EFCAB13: variants seen among roughly 807,000 people sequenced by gnomAD.
EFCAB13 encodes the protein EF-hand calcium binding domain 13, also known as EF-hand calcium-binding domain-containing protein 13.
A neutral mutation model predicts 110.2 loss-of-function variants in EFCAB13; 91 were observed. The ratio of observed to expected loss-of-function variants is 0.83; its 90% CI spans 0.70 to 0.98. EFCAB13 has a LOEUF of 0.98. Ranked by LOEUF, EFCAB13 falls within the 50% of genes least tolerant of loss-of-function variation. The pLI is 0.00. For synonymous variants in EFCAB13, 323 were observed against 369.9 expected (o/e 0.87, Z 1.45); for missense variants, 968 against 1,119.4 (o/e 0.86, Z 1.93).
chr17:47,341,930 A>C lies in EFCAB13; in HGVS notation c.201A>C (p.Thr67=). 1 of 1,540,280 alleles carries C rather than the reference A, an allele frequency of 6.5e-7. No individual in the cohort carries two copies. The change falls in exon 6 of 25, where the codon ACA becomes ACC. Residue 67 remains threonine, a synonymous_variant. Transcript: ENST00000331493. Reference sequence around the variant, plus strand: ...TTTCTGTGTCATTTAGATTTGAAACATCAATAATCTTTTGTGGAGAAGAAA... The same window carrying C: ...TTTCTGTGTCATTTAGATTTGAAACCTCAATAATCTTTTGTGGAGAAGAAA... The part of the protein sequence containing the change: ...LSPEYKKIFE[T]SIIFCGEEKS...
intron 4 of EFCAB13, among the ~76,000 whole-genome samples, chr17:47,331,974 G>A (rs999674928): frequency 5.3e-5 from 8 of 152,100 alleles, no homozygotes; most frequent in Non-Finnish European, 1.0e-4. Flanking sequence ...ATTACTGAAG[G>A]ACATCTTGAT....
At chr17:47,328,107 A>G in intron 3 of EFCAB13, 162 bp from the exon 4 acceptor site, 1 of 500,138 alleles carries the variant, frequency 2.0e-6, no homozygotes, top group African/African-American at 2.0e-5. Flanking sequence ...ATAGTCTACT[A>G]ACTGCTTTTT....
chr17:47,410,937 T>C (rs1395930707), intron 21 of EFCAB13, among the ~76,000 whole-genome samples: 9 of 152,234 alleles, frequency 5.9e-5, no homozygotes, highest in Non-Finnish European at 1.3e-4. Context: ...TATTTCATAT[T>C]ATAAATATCC....
rs143356521 is a variant in EFCAB13 at position 47,426,252 on chromosome 17, T to C, written c.2495-3566T>C. Among the ~76,000 whole-genome samples the C allele has an allele frequency of 4.2e-3, 646 of 152,368 alleles. 17 individuals are homozygous for C. In the East Asian group the frequency reaches 0.064, roughly 15 times the overall value. ...ACCATTGAAACTGCTTCAAAAATTATATCTTTAAGTACTGCTACTTGAATA... is the reference window on the plus strand; with the variant it reads ...ACCATTGAAACTGCTTCAAAAATTACATCTTTAAGTACTGCTACTTGAATA... On this transcript the variant is annotated intron_variant, in intron 23 of 24. Transcript: ENST00000331493.
intron 23 of EFCAB13, chr17:47,415,120 A>G (rs1193387204): frequency 2.8e-6 from 1 of 357,704 alleles, no homozygotes; most frequent in Non-Finnish European, 5.1e-6. Flanking sequence ...TATCATTCTC[A>G]GTAAACTATC....
chr17:47,420,824 G>GC (rs1321526467), intron 23 of EFCAB13, among the ~76,000 whole-genome samples: 3 of 10,496 alleles, frequency 2.9e-4, no homozygotes, highest in African/African-American at 5.3e-4. Context: ...GTGGGGGTCA[G>GC]CCCCCACCAG....
chr17:47,418,554 G>A (rs1904527138), intron 23 of EFCAB13, among the ~76,000 whole-genome samples: 1 of 151,976 alleles, frequency 6.6e-6, no homozygotes, highest in Non-Finnish European at 1.5e-5. Flanking sequence ...CTTTCCTGAT[G>A]TCCTTTGAAG....
At chr17:47,399,592 A>C (rs943638397) in intron 17 of EFCAB13, among the ~76,000 whole-genome samples, 12 of 151,996 alleles carry the variant, frequency 7.9e-5, no homozygotes, top group African/African-American at 2.7e-4. Flanking sequence ...ATAAGAAAGA[A>C]CTTAAAATTA....
chr17:47,422,076 A>G (rs1243392710), intron 23 of EFCAB13, among the ~76,000 whole-genome samples: 3 of 152,240 alleles, frequency 2.0e-5, no homozygotes, highest in Non-Finnish European at 2.9e-5. Flanking sequence ...AATGAAATCT[A>G]GTGATATATA....
At chr17:47,346,755 T>C (rs1315205421) in intron 8 of EFCAB13, among the ~76,000 whole-genome samples, 2 of 152,176 alleles carry the variant, frequency 1.3e-5, no homozygotes, top group African/African-American at 2.4e-5. Flanking sequence ...CTTTCATTTC[T>C]TGATTTTCTT....
chr17:47,341,947 G>C lies in EFCAB13; in HGVS notation c.218G>C (p.Gly73Ala), dbSNP rs367806543. The C allele has an allele frequency of 6.3e-7, 1 of 1,587,790 alleles. No homozygotes were observed. Among genetic ancestry groups the C allele is most frequent in the African/African-American group, 1.4e-5 (1 of 73,462 alleles). The change falls in exon 6 of 25, where the codon GGA becomes GCA. Residue 73 changes from glycine to alanine, a missense_variant. Transcript: ENST00000331493. ...TTTGAAACATCAATAATCTTTTGTG[G>C]AGAAGAAAAGTCCTCTGATTTTTCA... ...KIFETSIIFC[G>A]EEKSSDFSGE...
At chr17:47,421,313 T>C (rs914802800) in intron 23 of EFCAB13, among the ~76,000 whole-genome samples, 4 of 152,144 alleles carry the variant, frequency 2.6e-5, no homozygotes, top group African/African-American at 4.8e-5. Flanking sequence ...AAAATTCTTA[T>C]CCTGTTGATC....
intron 13 of EFCAB13, among the ~76,000 whole-genome samples, chr17:47,378,415 T>G (rs555463494): frequency 2.7e-4 from 41 of 152,288 alleles, no homozygotes; most frequent in Non-Finnish European, 5.6e-4. Context: ...AGGGTTTTTA[T>G]ACTAGGGAAG....
At chr17:47,383,213 A>G (rs1174207984) in intron 14 of EFCAB13, among the ~76,000 whole-genome samples, 4 of 151,872 alleles carry the variant, frequency 2.6e-5, no homozygotes, top group Non-Finnish European at 5.9e-5. Flanking sequence ...TATTTTGTTA[A>G]TCATTTCAAA....
Position 47,404,562 on chromosome 17 carries a change from A to G in EFCAB13, c.2162A>G (p.Glu721Gly). The G allele has an allele frequency of 4.3e-6, 7 of 1,610,872 alleles. No homozygotes were observed. In the South Asian group the frequency reaches 7.7e-5, roughly 18 times the overall value. Residue 721 changes from glutamate (E) to glycine (G), a missense_variant and splice_region_variant, in exon 20 of 25, where the codon GAA becomes GGA. Physicochemically the swap from Glu to Gly is moderately conservative, Grantham distance 98 (BLOSUM62 -2). Coordinates refer to ENST00000331493, the MANE Select transcript of EFCAB13 (RefSeq NM_152347.5). The stretch of plus-strand genomic sequence containing the variant: ...TGTCATCTCTCTCTTTTCCTTGCAG[A>G]AGATAACATGGTGAACATTAAAGAC... Reference protein sequence around the residue: ...EKILQSDFVSEDNMVNIKDCM... With the variant: ...EKILQSDFVSGDNMVNIKDCM...
intron 24 of EFCAB13, 107 bp downstream of exon 24, chr17:47,430,068 G>C (rs1905082424): frequency 7.1e-7 from 1 of 1,399,620 alleles, no homozygotes; most frequent in Admixed American, 2.5e-5. Flanking sequence ...TGGAAGCTGA[G>C]GTGGGATGAC....
At chr17:47,328,924 T>C (rs2065303726) in intron 4 of EFCAB13, 1 of 152,074 alleles carries the variant, frequency 6.6e-6, no homozygotes, top group Non-Finnish European at 1.5e-5. Flanking sequence ...ACTATTGAAA[T>C]TGGAAGAGGA....
At chr17:47,429,735 C>T in intron 23 of EFCAB13, 83 bp from the exon 24 acceptor site, 3 of 1,410,114 alleles carry the variant, frequency 2.1e-6, no homozygotes, top group Non-Finnish European at 2.8e-6. Context: ...ATATTTTATG[C>T]AACCTGAGGC....
chr17:47,417,130 T>C (rs1044411326), intron 23 of EFCAB13, among the ~76,000 whole-genome samples: 2 of 152,184 alleles, frequency 1.3e-5, no homozygotes, highest in Non-Finnish European at 2.9e-5. Flanking sequence ...AAGAAAATAT[T>C]GTTAATAAAA....
Sources: allele counts gnomAD v4.1 joint callset (sites outside exome capture counted in the v4.1 genomes callset), GRCh38; gene constraint gnomAD v4.1.1; transcripts MANE v1.5; gene names NCBI Gene and HGNC (gene_info 2026-07-23, HGNC 2026-07-21).